The following SPG7 variants were observed in gnomAD, a reference collection of about 807,000 sequenced individuals.
SPG7 encodes the protein mitochondrial inner membrane m-AAA protease component paraplegin.
In SPG7, 103 loss-of-function variants were observed where a neutral mutation model predicts 81.9. That is an observed-to-expected ratio of 1.26 (90% CI 1.07 to 1.48). The LOEUF (loss-of-function observed/expected upper bound fraction) is 1.48, where lower values mean the gene tolerates loss of function less well. Among genes scored for constraint, SPG7 ranks in the 40% most tolerant of loss-of-function variants. The pLI is 0.00. For missense variants in SPG7, 1,241 were observed against 1,087.3 expected (o/e 1.14, Z -1.99); for synonymous variants, 534 against 444.2 (o/e 1.20, Z -2.54).
Position 89,557,073 on chromosome 16 carries a change from G to C in SPG7, c.2368G>C (p.Glu790Gln). ...ETQQPPLGGE[E>Q]PTWPK ...CCAGCAGCCTCCACTTGGAGGCGAA[G>C]AGCCGACTTGGCCCAAGTAGTTGGG... is the stretch of plus-strand genomic sequence containing the variant. The change falls in exon 17 of 17, where the codon GAG (glutamate) becomes CAG (glutamine). Residue 790 changes from glutamate (E) to glutamine (Q), a missense_variant. Coordinates refer to ENST00000645818, the MANE Select transcript of SPG7 (RefSeq NM_003119.4). 1.2e-6 allele frequency: 2 copies of C among 1,611,660 alleles called. No homozygotes were observed. The highest frequency in any genetic ancestry group is 1.7e-6 in the Non-Finnish European group (2 of 1,179,958).
At chr16:89,514,662 G>C (rs530392114) in intron 3 of SPG7, 1 of 151,796 alleles carries the variant, frequency 6.6e-6, no homozygotes. Flanking sequence ...CACCGCACCC[G>C]GCTAATTTTT....
intron 3 of SPG7, chr16:89,514,258 A>G (rs945383540): frequency 6.9e-6 from 1 of 144,054 alleles, no homozygotes; most frequent in Non-Finnish European, 1.5e-5. Flanking sequence ...AATTGATTTC[A>G]GGGCTCTTTC....
chr16:89,528,435 G>A (rs1169386186), intron 5 of SPG7, among the ~76,000 whole-genome samples: 1 of 150,970 alleles, frequency 6.6e-6, no homozygotes, highest in African/African-American at 2.4e-5. Context: ...GTTTGGGGCA[G>A]GCCCATTCTC....
intron 12 of SPG7, chr16:89,548,590 T>C: frequency 3.5e-6 from 1 of 288,298 alleles, no homozygotes; most frequent in Non-Finnish European, 6.8e-6. Flanking sequence ...GCACCACCTC[T>C]GGTGAAACTC....
intron 9 of SPG7, chr16:89,537,800 G>C (rs1567920604): frequency 4.1e-6 from 4 of 984,886 alleles, no homozygotes; most frequent in Non-Finnish European, 4.8e-6. Flanking sequence ...TGGGAAGCTG[G>C]GGTCCTGGTC....
At position 89,548,106 on chromosome 16, in the gene SPG7, C is replaced by A. The variant is rs758338586; in HGVS notation, c.1656C>A (p.Val552=). The change falls in exon 12 of 17, where the codon GTC becomes GTA. Residue 552 remains valine (V), a synonymous_variant. Coordinates refer to ENST00000645818, the MANE Select transcript of SPG7 (RefSeq NM_003119.4). ...TLNFEYAVER[V]LAGTAKKSKI... ...ACTTCGAGTACGCCGTGGAGCGCGT[C>A]CTCGCAGGTACAGGGGGCGCGCCCT... 3.7e-6 allele frequency: 6 copies of A among 1,603,436 alleles called. No homozygotes were observed. Among genetic ancestry groups the A allele is most frequent in the South Asian group, 3.3e-5 (3 of 91,040 alleles).
chr16:89,508,590 G>C lies in SPG7; in HGVS notation c.173G>C (p.Arg58Pro). The change falls in exon 1 of 17, where the codon CGA becomes CCA. Residue 58 changes from arginine to proline, a missense_variant. By Grantham distance (103) the Arg-to-Pro change is moderately radical (BLOSUM62 -2). Transcript: ENST00000645818. Reference sequence around the variant, plus strand: ...GGGGACCTCGCCGAGGCTGGAGGCCGAGCTCTGCAGGTAAATCCCCGCGGA... The same window carrying C: ...GGGGACCTCGCCGAGGCTGGAGGCCCAGCTCTGCAGGTAAATCCCCGCGGA... ...PPGDLAEAGG[R>P]ALQSLQLRLL... is the part of the protein sequence containing the mutation. The C allele has an allele frequency of 1.4e-6, 2 of 1,478,766 alleles. No individual in the cohort carries two copies. Among genetic ancestry groups the C allele is most frequent in the South Asian group, 1.3e-5 (1 of 76,778 alleles). The allele number at this position is 1,478,766 out of a possible 1,614,324, so 91.6% of individuals were successfully genotyped here.
Position 89,511,601 on chromosome 16 carries a change from T to A in SPG7, c.286+1009T>A, listed in dbSNP as rs2058023485. Reference sequence around the variant, plus strand: ...CTGTGGCTGTGAAACAGGAAGCACATGCTTCAGCCTCCTTAAGCCTGAGGT... The same window carrying A: ...CTGTGGCTGTGAAACAGGAAGCACAAGCTTCAGCCTCCTTAAGCCTGAGGT... On this transcript the variant is annotated intron_variant, in intron 2 of 16. Coordinates refer to ENST00000645818, the MANE Select transcript of SPG7 (RefSeq NM_003119.4). 2.6e-5 allele frequency among the ~76,000 whole-genome samples: 4 copies of A among 152,362 alleles called. No homozygotes were observed. The South Asian group carries it at 8.3e-4, about 32-fold the overall frequency.
intron 9 of SPG7, among the ~76,000 whole-genome samples, chr16:89,534,398 C>T (rs2058385086): frequency 6.6e-6 from 1 of 152,164 alleles, no homozygotes; most frequent in Non-Finnish European, 1.5e-5. Context: ...GTTATTTGCC[C>T]GTCGGTGGAC....
intron 9 of SPG7, chr16:89,537,157 G>T (rs1448595982): frequency 6.9e-7 from 1 of 1,455,760 alleles, no homozygotes; most frequent in South Asian, 1.4e-5. Flanking sequence ...TGTTGCTTCC[G>T]TTCATGGAAG....
At chr16:89,531,827 C>A (rs2058346312) in intron 7 of SPG7, 77 bp from the exon 8 acceptor site, 2 of 1,492,690 alleles carry the variant, frequency 1.3e-6, no homozygotes, top group Non-Finnish European at 1.9e-6. Flanking sequence ...CTGCGTGACC[C>A]AGAGAGACCT....
intron 1 of SPG7, among the ~76,000 whole-genome samples, chr16:89,510,073 C>G (rs914152208): frequency 2.6e-5 from 4 of 152,196 alleles, no homozygotes; most frequent in African/African-American, 9.6e-5. Flanking sequence ...CTCCCGGGTT[C>G]AAGCGATTCT....
In SPG7 at chr16:89,546,574, C is replaced by T. The variant is rs573644022; in HGVS notation, c.1450-84C>T. The T allele has an allele frequency of 1.5e-4, 105 of 718,922 alleles. No homozygotes were observed. In the East Asian group the frequency reaches 3.1e-3, roughly 21 times the overall value. 44.5% of individuals were successfully genotyped at this position (718,922 alleles called of 1,614,324 possible). A position where few individuals can be genotyped will look rare whatever the true frequency, so the allele number is the denominator to read the frequency against. On this transcript the variant is annotated intron_variant, in intron 10 of 16. Coordinates refer to ENST00000645818, the MANE Select transcript of SPG7 (RefSeq NM_003119.4). ...TTGTAATCCCAGCTACTTGGGGACC[C>T]CCCCCCCCCACAGACAAACATGCCG... is the stretch of plus-strand genomic sequence containing the variant.
Position 89,510,567 on chromosome 16 carries a change from T to C in SPG7, c.261T>C (p.Asn87=). 6.2e-7 allele frequency: 1 copy of C among 1,611,514 alleles called. No homozygotes were observed. The highest frequency in any genetic ancestry group is 8.5e-7 in the Non-Finnish European group (1 of 1,178,226). The part of the protein sequence containing the change: ...GLLLKQHLVQ[N]PVRLWQLLGG... ...TGTTGAAACAACATTTAGTTCAGAATCCAGTCAGACTCTGGCAACTTTTAG... is the reference window on the plus strand; with the variant it reads ...TGTTGAAACAACATTTAGTTCAGAACCCAGTCAGACTCTGGCAACTTTTAG... Residue 87 remains asparagine, a synonymous_variant, in exon 2 of 17, where the codon AAT becomes AAC. Coordinates refer to ENST00000645818, the MANE Select transcript of SPG7 (RefSeq NM_003119.4).
In SPG7 at chr16:89,557,082, TG is replaced by T. The variant is rs1377874100; in HGVS notation, c.2379del (p.Trp793CysfsTer30). On this transcript the variant is annotated frameshift_variant, in exon 17 of 17. Transcript: ENST00000645818. LOFTEE classifies it high-confidence loss of function. Reference sequence around the variant, plus strand: ...TCCACTTGGAGGCGAAGAGCCGACTTGGCCCAAGTAGTTGGGAGGTGTTGGC... The same window carrying T: ...TCCACTTGGAGGCGAAGAGCCGACTTGCCCAAGTAGTTGGGAGGTGTTGGC... ...QPPLGGEEPT[W>X]PK is the part of the protein sequence containing the mutation. The T allele has an allele frequency of 1.9e-6, 3 of 1,611,234 alleles. No individual in the cohort carries two copies. Among genetic ancestry groups the T allele is most frequent in the Non-Finnish European group, 2.5e-6 (3 of 1,179,892 alleles).
At chr16:89,528,609 T>G (rs1380475562) in intron 5 of SPG7, 1 of 149,450 alleles carries the variant, frequency 6.7e-6, no homozygotes, top group East Asian at 2.0e-4. Context: ...TTTGCTTTTT[T>G]TTTTTTTTTT....
chr16:89,525,058 C>T (rs2058243068), intron 4 of SPG7, among the ~76,000 whole-genome samples: 1 of 149,416 alleles, frequency 6.7e-6, no homozygotes, highest in African/African-American at 2.5e-5. Flanking sequence ...CTCCTGGGCT[C>T]AGGTGATCTA....
chr16:89,508,767 G>A (rs1205899987), intron 1 of SPG7, 167 bp downstream of exon 1: 2 of 813,012 alleles, frequency 2.5e-6, no homozygotes, highest in African/African-American at 1.7e-5. Context: ...GACTGTTGGG[G>A]CCCTGGATCG....
intron 10 of SPG7, 62 bp downstream of exon 10, chr16:89,544,834 G>C: frequency 6.2e-7 from 1 of 1,600,428 alleles, no homozygotes; most frequent in Non-Finnish European, 8.5e-7. Context: ...GCTCTGAGTG[G>C]TCTGGCCTCT....
Sources: gnomAD v4.1 joint callset for allele counts (sites outside exome capture counted in the v4.1 genomes callset) on GRCh38, gnomAD v4.1.1 for gene constraint, MANE v1.5 for transcripts, NCBI Gene and HGNC (gene_info 2026-07-23, HGNC 2026-07-21) for gene names.